FRMD4B: variants seen among roughly 807,000 people sequenced by gnomAD.
FRMD4B encodes FERM domain-containing protein 4B.
A neutral mutation model predicts 141.5 loss-of-function variants in FRMD4B; 74 were observed. The observed-to-expected ratio is 0.52, with a 90% CI of 0.43 to 0.63. The LOEUF is 0.63. Ranked by LOEUF, FRMD4B falls within the 30% of genes least tolerant of loss-of-function variation. The probability of loss-of-function intolerance (pLI) is 0.00; values close to 1 mark genes in which losing one functional copy is unlikely to be tolerated. For synonymous variants in FRMD4B, 506 were observed against 467.9 expected (o/e 1.08, Z -1.05); for missense variants, 1,366 against 1,253.4 (o/e 1.09, Z -1.36).
At chr3:69,351,547 C>A (rs1270962384) in intron 1 of FRMD4B, among the ~76,000 whole-genome samples, 1 of 152,194 alleles carries the variant, frequency 6.6e-6, no homozygotes, top group Non-Finnish European at 1.5e-5. Flanking sequence ...AATTGGAAAC[C>A]ATGCAGAACA....
chr3:69,200,441 G>A, intron 11 of FRMD4B: 3 of 995,342 alleles, frequency 3.0e-6, no homozygotes, highest in Non-Finnish European at 3.6e-6. Context: ...AAATGGGACA[G>A]AAATGTGAGG....
At chr3:69,461,496 C>A (rs779884724) in intron 1 of FRMD4B, among the ~76,000 whole-genome samples, 3 of 151,800 alleles carry the variant, frequency 2.0e-5, no homozygotes, top group Non-Finnish European at 2.9e-5. Flanking sequence ...TGGTGGCGCA[C>A]GCCTATAGTC....
At chr3:69,425,097 T>G (rs981215668) in intron 2 of FRMD4B, among the ~76,000 whole-genome samples, 2 of 152,234 alleles carry the variant, frequency 1.3e-5, no homozygotes, top group African/African-American at 4.8e-5. Flanking sequence ...CTTTCATCTC[T>G]TCCATGGTTT....
At chr3:69,267,048 A>C (rs917029738) in intron 5 of FRMD4B, among the ~76,000 whole-genome samples, 8 of 152,202 alleles carry the variant, frequency 5.3e-5, no homozygotes, top group Non-Finnish European at 1.0e-4. Context: ...ATACCTGGAG[A>C]ACTAATAAAG....
At chr3:69,289,316 G>A (rs1700799325) in intron 4 of FRMD4B, among the ~76,000 whole-genome samples, 1 of 152,132 alleles carries the variant, frequency 6.6e-6, no homozygotes, top group Non-Finnish European at 1.5e-5. Context: ...TTTTATCTGA[G>A]GAATTCCAGT....
intron 7 of FRMD4B, among the ~76,000 whole-genome samples, chr3:69,225,519 CAAAAAAAAAAAAAAA>C (rs35855787): frequency 2.0e-5 from 1 of 50,572 alleles, no homozygotes; most frequent in Non-Finnish European, 3.3e-5. Context: ...ACTAAAAATA[CAAAAAAAAAAAAAAA>C]AAAAAAAAAA....
chr3:69,242,788 T>C (rs2106720888), intron 7 of FRMD4B, among the ~76,000 whole-genome samples: 2 of 149,566 alleles, frequency 1.3e-5, no homozygotes, highest in African/African-American at 4.9e-5. Flanking sequence ...AGGTCAGGAG[T>C]TCAACACCAG....
Position 69,276,546 on chromosome 3 carries a change from C to G in FRMD4B, c.501+11206G>C, listed in dbSNP as rs139355229. On this transcript the variant is annotated intron_variant, in intron 5 of 22. Transcript: ENST00000398540. ...GTCCTCAGCCTCCCAAAGTACCATGCCCGACCTTTAGGTGTACCCTTCATT... is the reference window on the plus strand; with the variant it reads ...GTCCTCAGCCTCCCAAAGTACCATGGCCGACCTTTAGGTGTACCCTTCATT... Among the ~76,000 whole-genome samples, 45 of 152,262 alleles carry G rather than the reference C, an allele frequency of 3.0e-4. No individual in the cohort carries two copies. The East Asian group carries it at 8.3e-3, about 28-fold the overall frequency.
At chr3:69,440,651 T>G (rs1255602205) in intron 1 of FRMD4B, among the ~76,000 whole-genome samples, 1 of 151,952 alleles carries the variant, frequency 6.6e-6, no homozygotes, top group Admixed American at 6.6e-5. Context: ...CTAAAAAAAA[T>G]ACAAAAATTA....
intron 1 of FRMD4B, among the ~76,000 whole-genome samples, chr3:69,330,635 G>A (rs998306620): frequency 6.6e-6 from 1 of 151,326 alleles, no homozygotes; most frequent in African/African-American, 2.4e-5. Flanking sequence ...GTGAGCCACT[G>A]TGCCTGGCCG....
chr3:69,313,440 G>A lies in FRMD4B; in HGVS notation c.228+12C>T. On this transcript the variant is annotated intron_variant, in intron 2 of 22. Coordinates refer to ENST00000398540, the MANE Select transcript of FRMD4B (RefSeq NM_015123.3). The stretch of plus-strand genomic sequence containing the variant: ...GACTTATCTGGGCAACACACATGTG[G>A]GCCACACCTACCTGAACCAGCAGCT... 2 of 1,554,926 alleles carry A rather than the reference G, an allele frequency of 1.3e-6. No individual in the cohort carries two copies. Among genetic ancestry groups the A allele is most frequent in the South Asian group, 1.2e-5 (1 of 84,546 alleles).
intron 5 of FRMD4B, among the ~76,000 whole-genome samples, chr3:69,271,058 A>G (rs2093592291): frequency 6.6e-6 from 1 of 152,074 alleles, no homozygotes; most frequent in South Asian, 2.1e-4. Context: ...GTATTTTTAT[A>G]TGACTTTTTT....
At chr3:69,290,776 G>A (rs975282132) in intron 4 of FRMD4B, among the ~76,000 whole-genome samples, 12 of 152,072 alleles carry the variant, frequency 7.9e-5, no homozygotes, top group South Asian at 2.1e-4. Context: ...TTTCACAGAC[G>A]CAGACTCTGA....
At chr3:69,330,385 C>T (rs1702328600) in intron 1 of FRMD4B, among the ~76,000 whole-genome samples, 1 of 120,328 alleles carries the variant, frequency 8.3e-6, no homozygotes, top group Non-Finnish European at 1.6e-5. Flanking sequence ...CTTACTCTGT[C>T]ACCCAGGCGG....
chr3:69,289,453 A>G (rs1292619629), intron 4 of FRMD4B, among the ~76,000 whole-genome samples: 1 of 152,188 alleles, frequency 6.6e-6, no homozygotes, highest in Non-Finnish European at 1.5e-5. Context: ...CACTGGGCAC[A>G]TTAGTGTCCA....
chr3:69,439,946 T>A (rs878873246), intron 1 of FRMD4B, among the ~76,000 whole-genome samples: 1 of 152,218 alleles, frequency 6.6e-6, no homozygotes, highest in African/African-American at 2.4e-5. Context: ...TTTCCCTTTT[T>A]GATTTGTAGG....
chr3:69,470,457 C>G (rs1485266001), intron 1 of FRMD4B, among the ~76,000 whole-genome samples: 1 of 151,938 alleles, frequency 6.6e-6, no homozygotes, highest in East Asian at 1.9e-4. Flanking sequence ...GAAATAATTT[C>G]AATTCTAGGT....
chr3:69,456,356 T>G (rs1705614317), intron 1 of FRMD4B, among the ~76,000 whole-genome samples: 1 of 152,230 alleles, frequency 6.6e-6, no homozygotes, highest in Non-Finnish European at 1.5e-5. Context: ...ATATGCCTTT[T>G]GACTCAGCTA....
chr3:69,245,737 C>G (rs1465422581), intron 7 of FRMD4B, among the ~76,000 whole-genome samples: 1 of 148,786 alleles, frequency 6.7e-6, no homozygotes, highest in African/African-American at 2.5e-5. Context: ...CACCTTGGCT[C>G]ACTGCAACCT....
Sources: gnomAD v4.1 joint callset for allele counts (sites outside exome capture counted in the v4.1 genomes callset) on GRCh38, gnomAD v4.1.1 for gene constraint, MANE v1.5 for transcripts, NCBI Gene and HGNC (gene_info 2026-07-23, HGNC 2026-07-21) for gene names.